Variants in RBFOX1 observed in about 807,000 individuals in gnomAD.
The protein encoded by RBFOX1 is RNA binding fox-1 homolog 1.
RBFOX1 carries 8 observed loss-of-function variants against 57.7 expected under a neutral mutation model. That is an observed-to-expected ratio of 0.14 (90% CI 0.08 to 0.25). The LOEUF is 0.25. Among genes scored for constraint, RBFOX1 ranks in the 10% least tolerant of loss-of-function variants. RBFOX1 has a pLI of 1.00. For synonymous variants in RBFOX1, 326 were observed against 222.4 expected, an observed-to-expected ratio of 1.47 and a Z score of -4.15; for missense variants, 611 against 548.5, an observed-to-expected ratio of 1.11 and a Z score of -1.14.
rs1311675047 is a variant in RBFOX1, at chr16:7,711,470, G to C, written c.*725G>C. On this transcript the variant is annotated 3_prime_UTR_variant, in exon 16 of 16. Transcript: ENST00000550418. Reference sequence around the variant, plus strand: ...TTTAGGAAAAAAAACCCACTAGTTAGGCCATCAACAAGCATTCTTTTTATA... The same window carrying C: ...TTTAGGAAAAAAAACCCACTAGTTACGCCATCAACAAGCATTCTTTTTATA... The C allele has an allele frequency of 6.6e-6, 1 of 152,382 alleles. No individual in the cohort carries two copies. The highest frequency in any genetic ancestry group is 1.5e-5 in the Non-Finnish European group (1 of 68,016). The allele number at this position is 152,382 out of a possible 1,614,324, so 9.4% of individuals were successfully genotyped here. A position where few individuals can be genotyped will look rare whatever the true frequency, so the allele number is the denominator to read the frequency against.
At chr16:7,080,707 A>C (rs1035113203) in intron 4 of RBFOX1, among the ~76,000 whole-genome samples, 7 of 152,076 alleles carry the variant, frequency 4.6e-5, no homozygotes, top group Non-Finnish European at 8.8e-5. Context: ...GTGTTAGGGT[A>C]TGCTTCCCAT....
chr16:7,426,104 T>C (rs1412646672), intron 4 of RBFOX1, among the ~76,000 whole-genome samples: 1 of 152,234 alleles, frequency 6.6e-6, no homozygotes, highest in East Asian at 1.9e-4. Context: ...CATTTTAATA[T>C]ACTCAGGAAA....
intron 4 of RBFOX1, among the ~76,000 whole-genome samples, chr16:7,260,064 C>T (rs2094856962): frequency 6.6e-6 from 1 of 152,092 alleles, no homozygotes; most frequent in Non-Finnish European, 1.5e-5. Flanking sequence ...ACTGTCTATT[C>T]ACTGTTTTGT....
At chr16:7,265,037 C>A (rs769526765) in intron 4 of RBFOX1, among the ~76,000 whole-genome samples, 8 of 152,212 alleles carry the variant, frequency 5.3e-5, no homozygotes, top group Non-Finnish European at 8.8e-5. Flanking sequence ...GCAGGCCAGT[C>A]CCATTCTTTT....
chr16:7,254,008 A>G (rs2094582533), intron 4 of RBFOX1, among the ~76,000 whole-genome samples: 1 of 152,212 alleles, frequency 6.6e-6, no homozygotes, highest in Non-Finnish European at 1.5e-5. Context: ...TGGTGTTAGC[A>G]GGGATGGAAA....
chr16:6,268,705 C>T (rs184133620), intron 1 of RBFOX1, among the ~76,000 whole-genome samples: 1 of 152,088 alleles, frequency 6.6e-6, no homozygotes, highest in Admixed American at 6.5e-5. Context: ...GGTGTTTGTT[C>T]TTAGGGATCT....
At chr16:6,176,550 T>C (rs919635488) in intron 1 of RBFOX1, among the ~76,000 whole-genome samples, 6 of 152,096 alleles carry the variant, frequency 3.9e-5, no homozygotes, top group Non-Finnish European at 8.8e-5. Context: ...CAAAGAGTCT[T>C]GATGGAGATT....
intron 2 of RBFOX1, among the ~76,000 whole-genome samples, chr16:6,574,835 C>A (rs1240676048): frequency 6.7e-6 from 1 of 150,056 alleles, no homozygotes; most frequent in Non-Finnish European, 1.5e-5. Flanking sequence ...TCAGGCGATC[C>A]AGACCATCCT....
intron 4 of RBFOX1, among the ~76,000 whole-genome samples, chr16:7,139,206 GTGTT>G (rs1567416612): frequency 1.3e-4 from 19 of 148,704 alleles, no homozygotes; most frequent in African/African-American, 4.7e-4. Context: ...GTATGTGTGT[GTGTT>G]TGTGTGTGTG....
chr16:6,257,419 C>CTT (rs1463312843), intron 1 of RBFOX1, among the ~76,000 whole-genome samples: 1 of 150,616 alleles, frequency 6.6e-6, no homozygotes, highest in Admixed American at 6.6e-5. Flanking sequence ...ATTTCTTCTT[C>CTT]TTCTTTTTTT....
chr16:5,499,792 T>C (rs1235991252), intron 2 of RBFOX1, among the ~76,000 whole-genome samples: 1 of 152,078 alleles, frequency 6.6e-6, no homozygotes, highest in African/African-American at 2.4e-5. Context: ...AGGCTGGTCT[T>C]GAACTCCTGA....
intron 2 of RBFOX1, chr16:6,576,883 T>G (rs1313886473): frequency 6.6e-6 from 1 of 152,222 alleles, no homozygotes; most frequent in African/African-American, 2.4e-5. Context: ...ACTGGCCATC[T>G]GCTAATAATT....
At chr16:6,172,720 TCA>T (rs1332651637) in intron 1 of RBFOX1, among the ~76,000 whole-genome samples, 2 of 152,228 alleles carry the variant, frequency 1.3e-5, no homozygotes, top group Non-Finnish European at 2.9e-5. Flanking sequence ...ATAGAGTACA[TCA>T]CAAACAATGT....
chr16:7,509,395 TG>T (rs2074345483), intron 4 of RBFOX1, among the ~76,000 whole-genome samples: 1 of 18,156 alleles, frequency 5.5e-5, no homozygotes, highest in Non-Finnish European at 4.0e-4. Context: ...AAGCCCTGTG[TG>T]TGTGTGTGTG....
chr16:6,874,509 T>TAAAA (rs57494867), intron 3 of RBFOX1, among the ~76,000 whole-genome samples: 2 of 71,080 alleles, frequency 2.8e-5, no homozygotes, highest in Admixed American at 2.0e-4. Flanking sequence ...AGACTCCATC[T>TAAAA]AAAAAAAAAA....
At chr16:6,866,599 T>C (rs939686002) in intron 3 of RBFOX1, among the ~76,000 whole-genome samples, 1 of 129,672 alleles carries the variant, frequency 7.7e-6, no homozygotes, top group South Asian at 2.8e-4. Flanking sequence ...TGGAGTGCAG[T>C]GGTGCGATCT....
At chr16:6,139,894 T>G (rs575254582) in intron 1 of RBFOX1, among the ~76,000 whole-genome samples, 6 of 152,342 alleles carry the variant, frequency 3.9e-5, no homozygotes, top group African/African-American at 9.6e-5. Context: ...TTGAATAGAA[T>G]TCCATCAGTC....
chr16:7,189,607 A>G (rs916995630), intron 4 of RBFOX1, among the ~76,000 whole-genome samples: 1 of 150,922 alleles, frequency 6.6e-6, no homozygotes, highest in African/African-American at 2.4e-5. Flanking sequence ...AAAATAGAGC[A>G]CATAAGCCAC....
chr16:7,273,874 C>T (rs1485901035), intron 4 of RBFOX1, among the ~76,000 whole-genome samples: 2 of 152,144 alleles, frequency 1.3e-5, no homozygotes, highest in Non-Finnish European at 2.9e-5. Context: ...CATTATCTGC[C>T]ATACGTAAAT....
Sources: allele counts gnomAD v4.1 joint callset (sites outside exome capture counted in the v4.1 genomes callset), GRCh38; gene constraint gnomAD v4.1.1; transcripts MANE v1.5; gene names NCBI Gene and HGNC (gene_info 2026-07-23, HGNC 2026-07-21).